Variants in CNOT6 observed in about 807,000 individuals in gnomAD.
CNOT6 encodes the protein carbon catabolite repression 4 protein.
Under a neutral mutation model 61.2 loss-of-function variants are expected in CNOT6, and 12 were observed. That is an observed-to-expected ratio of 0.20 (90% CI 0.13 to 0.32). CNOT6 has a LOEUF of 0.32. Ranked by LOEUF, CNOT6 falls within the 10% of genes least tolerant of loss-of-function variation. The pLI, the probability that CNOT6 is intolerant of heterozygous loss-of-function variation, is 1.00. For synonymous variants in CNOT6, 225 were observed against 240.6 expected, an observed-to-expected ratio of 0.94 and a Z score of 0.60; for missense variants, 405 against 663.9, an observed-to-expected ratio of 0.61 and a Z score of 4.28.
intron 6 of CNOT6, among the ~76,000 whole-genome samples, 180 bp downstream of exon 6, chr5:180,564,923 A>G (rs1760376835): frequency 6.6e-6 from 1 of 152,260 alleles, no homozygotes; most frequent in East Asian, 1.9e-4. Flanking sequence ...ACATTGTGCT[A>G]TATAGAAAGT....
rs570052121 is a variant in CNOT6 at position 180,569,238 on chromosome 5, A to G, written c.1156A>G (p.Ile386Val). 7 of 1,614,230 alleles carry G rather than the reference A, an allele frequency of 4.3e-6. No homozygotes were observed. The highest frequency in any genetic ancestry group is 1.7e-5 in the Admixed American group (1 of 60,028). ...TMMFLSEVKN[I>V]IDKASRNLKS... is the part of the protein sequence containing the mutation. ...GATGTTCCTCTCAGAAGTGAAGAACATTATTGATAAAGCCTCTCGCAACCT... is the reference window on the plus strand; with the variant it reads ...GATGTTCCTCTCAGAAGTGAAGAACGTTATTGATAAAGCCTCTCGCAACCT... The change falls in exon 10 of 12, where the codon ATT becomes GTT. Residue 386 changes from isoleucine (I) to valine (V), a missense_variant. This residue lies in a region of CNOT6 where 116 missense variants were observed against 184.6 expected (regional missense o/e 0.63). Transcript: ENST00000261951.
intron 1 of CNOT6, among the ~76,000 whole-genome samples, chr5:180,522,812 C>G (rs947620416): frequency 1.3e-5 from 2 of 152,126 alleles, no homozygotes; most frequent in African/African-American, 4.8e-5. Context: ...AAGCTCTGCA[C>G]CCCTGCGCTG....
chr5:180,512,578 A>G (rs1286590195), intron 1 of CNOT6, among the ~76,000 whole-genome samples: 2 of 152,268 alleles, frequency 1.3e-5, no homozygotes. Flanking sequence ...TAAACATTCA[A>G]ATTTTATTAC....
At chr5:180,566,508 A>G (rs1044397619) in intron 7 of CNOT6, among the ~76,000 whole-genome samples, 5 of 152,162 alleles carry the variant, frequency 3.3e-5, no homozygotes, top group Non-Finnish European at 5.9e-5. Context: ...ATAAGGAAAT[A>G]CACATGCATA....
chr5:180,516,752 C>T (rs1757655153), intron 1 of CNOT6, among the ~76,000 whole-genome samples: 1 of 152,178 alleles, frequency 6.6e-6, no homozygotes. Context: ...TCATTCATTG[C>T]ATCTGATTAT....
At chr5:180,546,299 CT>C (rs1759309934) in intron 2 of CNOT6, among the ~76,000 whole-genome samples, 1 of 152,108 alleles carries the variant, frequency 6.6e-6, no homozygotes, top group Non-Finnish European at 1.5e-5. Context: ...TTTTTCTTCA[CT>C]CTCTTGTTTT....
intron 2 of CNOT6, among the ~76,000 whole-genome samples, chr5:180,541,042 CT>C (rs1396215191): frequency 6.6e-6 from 1 of 151,726 alleles, no homozygotes; most frequent in East Asian, 1.9e-4. Flanking sequence ...TTCTGTTGAC[CT>C]ATTTTTGAAA....
intron 1 of CNOT6, among the ~76,000 whole-genome samples, chr5:180,506,744 T>C (rs543459037): frequency 1.2e-3 from 183 of 152,202 alleles, no homozygotes; most frequent in Non-Finnish European, 2.0e-3. Flanking sequence ...TAGGTAATAG[T>C]TTTTCTTATT....
chr5:180,558,522 C>CAA (rs1332042461), intron 4 of CNOT6, among the ~76,000 whole-genome samples: 9 of 147,030 alleles, frequency 6.1e-5, no homozygotes, highest in Non-Finnish European at 1.3e-4. Context: ...AAAAAAAAAA[C>CAA]AAAAAACCTG....
intron 4 of CNOT6, among the ~76,000 whole-genome samples, chr5:180,555,148 A>G (rs1759819544): frequency 6.6e-6 from 1 of 151,966 alleles, no homozygotes; most frequent in African/African-American, 2.4e-5. Flanking sequence ...CTGAGATTAC[A>G]GGTACCCACC....
intron 1 of CNOT6, among the ~76,000 whole-genome samples, chr5:180,521,702 C>A (rs1481887719): frequency 6.6e-6 from 1 of 151,954 alleles, no homozygotes; most frequent in Non-Finnish European, 1.5e-5. Flanking sequence ...GCACTCCTTT[C>A]CCTCTCCTCC....
At chr5:180,497,092 CCGAGA>C (rs1037700531) in intron 1 of CNOT6, among the ~76,000 whole-genome samples, 11 of 152,258 alleles carry the variant, frequency 7.2e-5, no homozygotes, top group South Asian at 6.2e-4. Context: ...CTTTCGGAGG[CCGAGA>C]TGGGTGGATC....
At chr5:180,570,047 T>C (rs916697381) in intron 10 of CNOT6, among the ~76,000 whole-genome samples, 4 of 151,998 alleles carry the variant, frequency 2.6e-5, no homozygotes, top group Admixed American at 2.6e-4. Flanking sequence ...GACATCACAA[T>C]AGATAGAGCC....
At chr5:180,511,723 G>A (rs1389806781) in intron 1 of CNOT6, among the ~76,000 whole-genome samples, 2 of 152,026 alleles carry the variant, frequency 1.3e-5, no homozygotes, top group Non-Finnish European at 2.9e-5. Context: ...CCATGATTGT[G>A]CTACTACACT....
chr5:180,503,381 A>T (rs908907754), intron 1 of CNOT6, among the ~76,000 whole-genome samples: 4 of 150,722 alleles, frequency 2.7e-5, no homozygotes, highest in African/African-American at 7.3e-5. Flanking sequence ...CTCCAGCCTC[A>T]GCTTCCCGAG....
chr5:180,500,971 A>G (rs1756843811), intron 1 of CNOT6, among the ~76,000 whole-genome samples: 1 of 152,168 alleles, frequency 6.6e-6, no homozygotes, highest in African/African-American at 2.4e-5. Context: ...AGGGAGAAGG[A>G]ACAGCATATT....
In CNOT6 at chr5:180,568,013, C is replaced by T; in HGVS notation, c.1027+10C>T. Reference sequence around the variant, plus strand: ...TCGATTGAAATGCCGTGTGAGTGCCCTTCACTTCCTGTAAAATTGACCAGC... The same window carrying T: ...TCGATTGAAATGCCGTGTGAGTGCCTTTCACTTCCTGTAAAATTGACCAGC... On this transcript the variant is annotated intron_variant, in intron 9 of 11. Transcript: ENST00000261951. 1 of 1,592,200 alleles carries T rather than the reference C, an allele frequency of 6.3e-7. No individual in the cohort carries two copies. The highest frequency in any genetic ancestry group is 8.6e-7 in the Non-Finnish European group (1 of 1,166,860).
At chr5:180,549,879 CA>C in intron 2 of CNOT6, 51 bp from the exon 3 acceptor site, 4 of 1,346,602 alleles carry the variant, frequency 3.0e-6, no homozygotes, top group Non-Finnish European at 4.1e-6. Context: ...ATCTACAGAA[CA>C]AAATGTAGAG....
At chr5:180,558,511 A>T (rs1760012168) in intron 4 of CNOT6, among the ~76,000 whole-genome samples, 1 of 50,774 alleles carries the variant, frequency 2.0e-5, no homozygotes, top group African/African-American at 4.4e-5. Flanking sequence ...GAAACACCTT[A>T]AAAAAAAAAA....
Sources: allele counts gnomAD v4.1 joint callset (sites outside exome capture counted in the v4.1 genomes callset), GRCh38; gene constraint gnomAD v4.1.1; regional missense constraint gnomAD v4.1.1; transcripts MANE v1.5; gene names NCBI Gene and HGNC (gene_info 2026-07-23, HGNC 2026-07-21).